The following CNTN1 variants were observed in gnomAD, a reference collection of about 807,000 sequenced individuals.
The protein encoded by CNTN1 is contactin-1.
CNTN1 carries 38 observed loss-of-function variants against 126.4 expected under a neutral mutation model. The observed-to-expected ratio is 0.30, with a 90% CI of 0.23 to 0.39. The LOEUF is 0.39. Ranked by LOEUF, CNTN1 falls within the 10% of genes least tolerant of loss-of-function variation. The pLI, the probability that CNTN1 is intolerant of heterozygous loss-of-function variation, is 1.00. For missense variants in CNTN1, 1,009 were observed against 1,248.4 expected (o/e 0.81, Z 2.89); for synonymous variants, 413 against 422.6 (o/e 0.98, Z 0.28).
intron 23 of CNTN1, among the ~76,000 whole-genome samples, chr12:41,039,861 G>T (rs1047556595): frequency 5.9e-5 from 9 of 151,970 alleles, no homozygotes; most frequent in Admixed American, 6.6e-5. Context: ...GCTGAACAGA[G>T]TCAGTATTAT....
At chr12:41,035,861 G>T (rs1234812489) in intron 23 of CNTN1, among the ~76,000 whole-genome samples, 1 of 152,168 alleles carries the variant, frequency 6.6e-6, no homozygotes, top group Non-Finnish European at 1.5e-5. Flanking sequence ...GTTATGAACA[G>T]CCTGGCATTG....
intron 1 of CNTN1, among the ~76,000 whole-genome samples, chr12:40,782,590 T>C (rs1230591358): frequency 6.6e-6 from 1 of 151,944 alleles, no homozygotes; most frequent in East Asian, 1.9e-4. Flanking sequence ...AACACTGAAA[T>C]TTGCTGGAGG....
chr12:40,744,449 G>A (rs1938095790), intron 1 of CNTN1, among the ~76,000 whole-genome samples: 1 of 152,018 alleles, frequency 6.6e-6, no homozygotes, highest in African/African-American at 2.4e-5. Context: ...GAAAGGTAGA[G>A]AAAGAAGTGA....
intron 1 of CNTN1, among the ~76,000 whole-genome samples, chr12:40,882,653 C>T (rs540092369): frequency 1.3e-5 from 2 of 151,672 alleles, no homozygotes; most frequent in East Asian, 3.9e-4. Flanking sequence ...GGATCTATGC[C>T]ATGCCTAATC....
chr12:40,833,751 A>G (rs939001004), intron 1 of CNTN1, among the ~76,000 whole-genome samples: 1 of 152,342 alleles, frequency 6.6e-6, no homozygotes. Context: ...TCTTATGTCA[A>G]GATACATAAG....
intron 1 of CNTN1, among the ~76,000 whole-genome samples, chr12:40,801,932 C>G (rs934497542): frequency 6.6e-6 from 1 of 150,612 alleles, no homozygotes; most frequent in Non-Finnish European, 1.5e-5. Flanking sequence ...TATGAGGGCT[C>G]GAACTTGGTT....
chr12:41,014,441 T>G (rs1010983033), intron 18 of CNTN1, 143 bp downstream of exon 18: 11 of 844,644 alleles, frequency 1.3e-5, no homozygotes, highest in Admixed American at 8.7e-5. Flanking sequence ...TTTTCTTAAA[T>G]GCAAATCAGA....
At chr12:41,020,894 A>G (rs1948891403) in intron 20 of CNTN1, among the ~76,000 whole-genome samples, 2 of 152,208 alleles carry the variant, frequency 1.3e-5, no homozygotes. Flanking sequence ...TATGTTATCT[A>G]TGAAGTAACA....
intron 1 of CNTN1, among the ~76,000 whole-genome samples, chr12:40,735,418 T>G (rs1307150581): frequency 6.6e-6 from 1 of 152,070 alleles, no homozygotes. Flanking sequence ...GCAATGGGCG[T>G]CGTTCCCACG....
intron 1 of CNTN1, among the ~76,000 whole-genome samples, chr12:40,771,471 G>A (rs1231626386): frequency 1.3e-5 from 2 of 151,816 alleles, no homozygotes; most frequent in Non-Finnish European, 1.5e-5. Flanking sequence ...GCTAGATATG[G>A]GAAACTCTAT....
chr12:40,833,371 C>T (rs565011500), intron 1 of CNTN1, among the ~76,000 whole-genome samples: 2 of 152,302 alleles, frequency 1.3e-5, no homozygotes, highest in Admixed American at 1.3e-4. Context: ...GCTGAGATTA[C>T]AGGCGTGAGG....
intron 1 of CNTN1, among the ~76,000 whole-genome samples, chr12:40,876,791 T>C (rs990943584): frequency 2.0e-4 from 30 of 152,158 alleles, no homozygotes; most frequent in Admixed American, 7.9e-4. Flanking sequence ...CATAATTGTG[T>C]ATCTGTTGGA....
intron 23 of CNTN1, among the ~76,000 whole-genome samples, chr12:41,049,973 T>C (rs968522925): frequency 1.3e-5 from 2 of 152,184 alleles, no homozygotes; most frequent in African/African-American, 4.8e-5. Flanking sequence ...AATCTCGGCT[T>C]ACTGCAACCT....
intron 1 of CNTN1, among the ~76,000 whole-genome samples, chr12:40,838,331 CAACT>C (rs1942145027): frequency 2.0e-5 from 3 of 152,144 alleles, no homozygotes; most frequent in South Asian, 2.1e-4. Context: ...CAACACACAC[CAACT>C]GAGACCCAAA....
intron 1 of CNTN1, among the ~76,000 whole-genome samples, chr12:40,877,121 G>C (rs1044339911): frequency 1.3e-5 from 2 of 152,030 alleles, no homozygotes; most frequent in African/African-American, 2.4e-5. Context: ...TTTTCCCTTC[G>C]ACAACTGTCA....
chr12:40,701,697 C>A (rs934873914), intron 1 of CNTN1, among the ~76,000 whole-genome samples: 2 of 152,098 alleles, frequency 1.3e-5, no homozygotes, highest in African/African-American at 4.8e-5. Flanking sequence ...GAGAGCATAA[C>A]AACTTTCAGA....
intron 1 of CNTN1, among the ~76,000 whole-genome samples, chr12:40,737,656 C>T (rs1290820470): frequency 2.0e-5 from 3 of 151,876 alleles, no homozygotes; most frequent in South Asian, 2.1e-4. Flanking sequence ...AGTCCACTGA[C>T]TCAAATGTTA....
chr12:40,807,651 C>T (rs921158792), intron 1 of CNTN1, among the ~76,000 whole-genome samples: 6 of 152,068 alleles, frequency 3.9e-5, no homozygotes, highest in Admixed American at 2.6e-4. Flanking sequence ...CTTCTCAGAG[C>T]CTGTCAGAAC....
chr12:40,874,413 TTTG>T (rs1189088356), intron 1 of CNTN1, among the ~76,000 whole-genome samples: 4 of 152,174 alleles, frequency 2.6e-5, no homozygotes, highest in Non-Finnish European at 2.9e-5. Context: ...CACATGTTAT[TTTG>T]TAGCTCAGTA....
Sources: gnomAD v4.1 joint callset for allele counts (sites outside exome capture counted in the v4.1 genomes callset) on GRCh38, gnomAD v4.1.1 for gene constraint, MANE v1.5 for transcripts, NCBI Gene and HGNC (gene_info 2026-07-23, HGNC 2026-07-21) for gene names.